Variants in B4GALT6 observed in about 807,000 individuals in gnomAD.
The protein encoded by B4GALT6 is UDP-Gal:beta-GlcNAc beta-1,4-galactosyltransferase 6.
Under a neutral mutation model 46.3 loss-of-function variants are expected in B4GALT6, and 14 were observed. That is an observed-to-expected ratio of 0.30 (90% CI 0.20 to 0.47). The LOEUF is 0.47. Ranked by LOEUF, B4GALT6 falls within the 20% of genes least tolerant of loss-of-function variation. The pLI is 0.99. For synonymous variants in B4GALT6, 168 were observed against 162.0 expected, an observed-to-expected ratio of 1.04 and a Z score of -0.28; for missense variants, 386 against 480.1, an observed-to-expected ratio of 0.80 and a Z score of 1.83.
chr18:31,644,323 T>C (rs2073965105), intron 4 of B4GALT6, among the ~76,000 whole-genome samples: 2 of 152,188 alleles, frequency 1.3e-5, no homozygotes, highest in Non-Finnish European at 1.5e-5. Context: ...GTGCTCTGTG[T>C]TGGGAATACA....
rs890467956 is a variant in B4GALT6 at position 31,655,297 on chromosome 18, C to A, written c.346+2679G>T. Among the ~76,000 whole-genome samples the A allele has an allele frequency of 3.5e-4, 54 of 152,208 alleles. 1 individual carries two copies. Among genetic ancestry groups the A allele is most frequent in the African/African-American group, 1.2e-3 (50 of 41,442 alleles). On this transcript the variant is annotated intron_variant, in intron 3 of 8. Transcript: ENST00000306851. Reference sequence around the variant, plus strand: ...CCAAATCACCTTGCCACCATGGCCACCACGGCCACCACTAATTGGGCACAA... The same window carrying A: ...CCAAATCACCTTGCCACCATGGCCAACACGGCCACCACTAATTGGGCACAA...
At chr18:31,682,081 T>C (rs2074486399) in intron 1 of B4GALT6, among the ~76,000 whole-genome samples, 3 of 152,232 alleles carry the variant, frequency 2.0e-5, no homozygotes, top group Non-Finnish European at 2.9e-5. Flanking sequence ...AGCCACATTT[T>C]TCATGGAACA....
chr18:31,636,364 G>A (rs896140761), intron 5 of B4GALT6, among the ~76,000 whole-genome samples: 1 of 152,144 alleles, frequency 6.6e-6, no homozygotes, highest in African/African-American at 2.4e-5. Flanking sequence ...CAAAACTTAT[G>A]TCTTACAAAA....
chr18:31,711,913 C>A, the B4GALT6 span, among the ~76,000 whole-genome samples: 1 of 152,148 alleles, frequency 6.6e-6, no homozygotes, highest in Non-Finnish European at 1.5e-5. Context: ...ATTCACCAGT[C>A]ATTGTCTATC....
chr18:31,703,380 A>G, the B4GALT6 span, among the ~76,000 whole-genome samples: 1 of 152,186 alleles, frequency 6.6e-6, no homozygotes, highest in Non-Finnish European at 1.5e-5. Context: ...TCAGTTTTAT[A>G]TTATGCCTAT....
chr18:31,676,307 T>C (rs535707009), intron 1 of B4GALT6, among the ~76,000 whole-genome samples: 3 of 152,182 alleles, frequency 2.0e-5, no homozygotes, highest in African/African-American at 4.8e-5. Context: ...AAACTTCATA[T>C]AGCTACTTAA....
upstream of B4GALT6, chr18:31,684,767 A>T: frequency 9.3e-7 from 1 of 1,080,586 alleles, no homozygotes; most frequent in Non-Finnish European, 1.1e-6. Flanking sequence ...CAGCGGCGGG[A>T]GGAGGGGCTG....
At chr18:31,689,596 T>C (rs2030039918), upstream of B4GALT6, among the ~76,000 whole-genome samples, 1 of 151,972 alleles carries the variant, frequency 6.6e-6, no homozygotes, top group Non-Finnish European at 1.5e-5. Flanking sequence ...TATAAAAAAT[T>C]AGCTGGGCAT....
At chr18:31,687,116 C>T (rs946306218), upstream of B4GALT6, among the ~76,000 whole-genome samples, 7 of 152,092 alleles carry the variant, frequency 4.6e-5, no homozygotes, top group Non-Finnish European at 8.8e-5. Context: ...GGCAAGTGTC[C>T]CCCACGGTAC....
intron 2 of B4GALT6, among the ~76,000 whole-genome samples, chr18:31,664,078 C>A (rs73420383): frequency 1.3e-5 from 2 of 152,194 alleles, no homozygotes; most frequent in Non-Finnish European, 2.9e-5. Flanking sequence ...CTGTGTGGGA[C>A]CTCTGGGAAG....
upstream of B4GALT6, among the ~76,000 whole-genome samples, chr18:31,688,791 A>G (rs957821188): frequency 1.3e-5 from 2 of 152,222 alleles, no homozygotes; most frequent in African/African-American, 2.4e-5. Flanking sequence ...GAGGTCACAC[A>G]GTATAAAGGT....
intron 2 of B4GALT6, 132 bp from the exon 3 acceptor site, chr18:31,658,221 T>C (rs2074167682): frequency 1.5e-6 from 1 of 646,712 alleles, no homozygotes; most frequent in Non-Finnish European, 2.6e-6. Flanking sequence ...ATCAATTATC[T>C]TTAAGGAACT....
intron 3 of B4GALT6, among the ~76,000 whole-genome samples, chr18:31,647,712 A>G (rs1465655548): frequency 1.3e-5 from 2 of 152,196 alleles, no homozygotes; most frequent in Non-Finnish European, 2.9e-5. Flanking sequence ...ACAAACATTC[A>G]TCATTGTGGG....
intron 5 of B4GALT6, among the ~76,000 whole-genome samples, chr18:31,634,781 G>T (rs2073837054): frequency 6.6e-6 from 1 of 152,156 alleles, no homozygotes; most frequent in African/African-American, 2.4e-5. Flanking sequence ...GATGTTTCTA[G>T]CTCAAAATCT....
At chr18:31,664,190 C>T (rs896400195) in intron 2 of B4GALT6, among the ~76,000 whole-genome samples, 47 of 134,108 alleles carry the variant, frequency 3.5e-4, no homozygotes, top group African/African-American at 1.3e-3. Flanking sequence ...ATGAGTTAAC[C>T]ATGGAGCCAC....
chr18:31,691,431 C>T, the B4GALT6 span, among the ~76,000 whole-genome samples: 10 of 149,802 alleles, frequency 6.7e-5, no homozygotes, highest in East Asian at 1.9e-4. Flanking sequence ...TCTTCATAGG[C>T]GAATGACTCA....
intron 3 of B4GALT6, among the ~76,000 whole-genome samples, chr18:31,653,941 CAT>C (rs1185331143): frequency 6.6e-6 from 1 of 151,892 alleles, no homozygotes; most frequent in Admixed American, 6.6e-5. Context: ...TTACAATAAA[CAT>C]ATGCATGACA....
At chr18:31,632,348 T>C (rs1049571204) in intron 5 of B4GALT6, among the ~76,000 whole-genome samples, 1 of 152,222 alleles carries the variant, frequency 6.6e-6, no homozygotes, top group Non-Finnish European at 1.5e-5. Flanking sequence ...TACATCAACA[T>C]CAGCTTTAAC....
In B4GALT6 at chr18:31,638,399, T is replaced by G. The variant is rs917294897; in HGVS notation, c.588+245A>C. Among the ~76,000 whole-genome samples, 15 of 151,954 alleles carry G rather than the reference T, an allele frequency of 9.9e-5. No homozygotes were observed. In the East Asian group the frequency reaches 2.1e-3, roughly 22 times the overall value. Reference sequence around the variant, plus strand: ...AAAATTAGCCGGGCGTGGTGGCGGGTGCCTGTAGTCCCAGCTACTTGGGAG... The same window carrying G: ...AAAATTAGCCGGGCGTGGTGGCGGGGGCCTGTAGTCCCAGCTACTTGGGAG... On this transcript the variant is annotated intron_variant, in intron 5 of 8. Transcript: ENST00000306851.
Sources: gnomAD v4.1 joint callset for allele counts (sites outside exome capture counted in the v4.1 genomes callset) on GRCh38, gnomAD v4.1.1 for gene constraint, MANE v1.5 for transcripts, NCBI Gene and HGNC (gene_info 2026-07-23, HGNC 2026-07-21) for gene names.